MPHOSPH8: variants seen among roughly 807,000 people sequenced by gnomAD.
MPHOSPH8 encodes the protein M-phase phosphoprotein 8, also known as M-phase phosphoprotein, mpp.
A neutral mutation model predicts 87.3 loss-of-function variants in MPHOSPH8; 45 were observed. That is an observed-to-expected ratio of 0.52 (90% CI 0.41 to 0.66). MPHOSPH8 has a LOEUF of 0.66. Among genes scored for constraint, MPHOSPH8 ranks in the 30% least tolerant of loss-of-function variants. The probability of loss-of-function intolerance (pLI) is 0.00; values close to 1 mark genes in which losing one functional copy is unlikely to be tolerated. For synonymous variants in MPHOSPH8, 366 were observed against 376.9 expected (o/e 0.97, Z 0.33); for missense variants, 883 against 1,020.2 (o/e 0.87, Z 1.83).
intron 9 of MPHOSPH8, 70 bp from the exon 10 acceptor site, chr13:19,666,355 T>A: frequency 1.4e-6 from 2 of 1,457,000 alleles, no homozygotes; most frequent in Non-Finnish European, 1.9e-6. Context: ...TAAGCATGTA[T>A]GGAGAAGGGA....
intron 5 of MPHOSPH8, among the ~76,000 whole-genome samples, chr13:19,658,477 G>GA (rs1188768252): frequency 1.1e-4 from 16 of 152,296 alleles, no homozygotes; most frequent in Non-Finnish European, 1.6e-4. Context: ...CCTCACGGGG[G>GA]TGGGTGTGGG....
At chr13:19,665,159 G>A (rs572980234) in intron 9 of MPHOSPH8, among the ~76,000 whole-genome samples, 34 of 152,110 alleles carry the variant, frequency 2.2e-4, no homozygotes, top group Admixed American at 1.0e-3. Context: ...TTCCCTGAGC[G>A]GACATGTAGC....
intron 5 of MPHOSPH8, among the ~76,000 whole-genome samples, chr13:19,650,706 T>G (rs946079799): frequency 6.6e-6 from 1 of 152,078 alleles, no homozygotes; most frequent in African/African-American, 2.4e-5. Flanking sequence ...CAGACTACAG[T>G]AGTGGTGGGG....
Position 19,646,971 on chromosome 13 carries a change from G to T in MPHOSPH8, c.898G>T (p.Ala300Ser). 1 of 1,593,748 alleles carries T rather than the reference G, an allele frequency of 6.3e-7. No homozygotes were observed. The highest frequency in any genetic ancestry group is 2.2e-5 in the East Asian group (1 of 44,802). ...KQNTKSARER[A>S]GQDMGLEHGF... The stretch of plus-strand genomic sequence containing the variant: ...AAACACTAAAAGTGCAAGAGAGAGA[G>T]CAGGGCAGGACATGGGGCTGGAGCA... The change falls in exon 3 of 14, where the codon GCA (alanine) becomes TCA (serine). Residue 300 changes from alanine to serine, a missense_variant. This residue lies in a region of MPHOSPH8 where 741 missense variants were observed against 841.5 expected (regional missense o/e 0.88). Transcript: ENST00000361479.
chr13:19,668,470 CTG>C lies in MPHOSPH8; in HGVS notation c.2271_2272del (p.Cys757Ter). The C allele has an allele frequency of 6.2e-7, 1 of 1,614,168 alleles. No individual in the cohort carries two copies. The highest frequency in any genetic ancestry group is 1.1e-5 in the South Asian group (1 of 91,080). On this transcript the variant is annotated frameshift_variant, in exon 11 of 14. Transcript: ENST00000361479. LOFTEE classifies it high-confidence loss of function. ...TTTTTCCAATCGCATGTCATCGACTCTGTGAGGGTCCAGATTTTTCAACAGAT... is the reference window on the plus strand; with the variant it reads ...TTTTTCCAATCGCATGTCATCGACTCTGAGGGTCCAGATTTTTCAACAGAT... The part of the protein sequence containing the change: ...PVFPIACHRL[C>X]EGPDFSTDFN...
At chr13:19,661,912 G>T in intron 8 of MPHOSPH8, 74 bp downstream of exon 8, 1 of 1,471,524 alleles carries the variant, frequency 6.8e-7, no homozygotes, top group Non-Finnish European at 9.1e-7. Context: ...GATCTCTTTG[G>T]TAGTGAAATA....
intron 10 of MPHOSPH8, among the ~76,000 whole-genome samples, chr13:19,667,655 A>G (rs915140234): frequency 6.6e-6 from 1 of 152,170 alleles, no homozygotes; most frequent in Non-Finnish European, 1.5e-5. Context: ...TAGGCATTCA[A>G]GATTCCTTCC....
intron 5 of MPHOSPH8, among the ~76,000 whole-genome samples, chr13:19,653,108 G>A (rs1874951442): frequency 6.6e-6 from 1 of 152,200 alleles, no homozygotes; most frequent in Non-Finnish European, 1.5e-5. Flanking sequence ...CCTCAAGTGG[G>A]TCCCTGACCC....
At position 19,660,507 on chromosome 13, in the gene MPHOSPH8, T is replaced by C. The variant is rs1424900132; in HGVS notation, c.1792-1191T>C. Among the ~76,000 whole-genome samples the C allele has an allele frequency of 3.3e-5, 5 of 152,168 alleles. No individual in the cohort carries two copies. In the East Asian group the frequency reaches 7.7e-4, roughly 23 times the overall value. The stretch of plus-strand genomic sequence containing the variant: ...TTTGGGATTACAATTCACAAAATTA[T>C]TGGGCTTTTGATTAAAATTGCATGA... On this transcript the variant is annotated intron_variant, in intron 7 of 13. Coordinates refer to ENST00000361479, the MANE Select transcript of MPHOSPH8 (RefSeq NM_017520.4).
At chr13:19,638,356 T>G (rs887129468) in intron 1 of MPHOSPH8, among the ~76,000 whole-genome samples, 1 of 152,102 alleles carries the variant, frequency 6.6e-6, no homozygotes, top group African/African-American at 2.4e-5. Context: ...GGCTCACACC[T>G]GTAATCCCAG....
At chr13:19,666,649 T>A in intron 10 of MPHOSPH8, 70 bp downstream of exon 10, 1 of 1,411,888 alleles carries the variant, frequency 7.1e-7, no homozygotes, top group Non-Finnish European at 9.6e-7. Flanking sequence ...CATATTATAA[T>A]TGGAGTGGCC....
In MPHOSPH8 at chr13:19,634,007, C is replaced by T. The variant is rs776257446; in HGVS notation, c.213+46C>T. 3.8e-6 allele frequency: 6 copies of T among 1,571,712 alleles called. No individual in the cohort carries two copies. The Admixed American group carries it at 5.7e-5, about 15-fold the overall frequency. ...GCGGGGCTGGGCGGGGAGCTCCGGGCCTGGCGGGGAGGACGCGAGCTGGAA... is the reference window on the plus strand; with the variant it reads ...GCGGGGCTGGGCGGGGAGCTCCGGGTCTGGCGGGGAGGACGCGAGCTGGAA... On this transcript the variant is annotated intron_variant, in intron 1 of 13. Coordinates refer to ENST00000361479, the MANE Select transcript of MPHOSPH8 (RefSeq NM_017520.4).
At chr13:19,645,765 A>G (rs890164246) in intron 2 of MPHOSPH8, among the ~76,000 whole-genome samples, 7 of 150,592 alleles carry the variant, frequency 4.6e-5, no homozygotes, top group Non-Finnish European at 8.9e-5. Flanking sequence ...AAAAAAAGCT[A>G]TCGTTTCCAT....
At chr13:19,641,081 T>C (rs1045442081) in intron 1 of MPHOSPH8, among the ~76,000 whole-genome samples, 2 of 152,226 alleles carry the variant, frequency 1.3e-5, no homozygotes, top group African/African-American at 4.8e-5. Flanking sequence ...CGTACTGCTT[T>C]ATGGAATCAG....
Position 19,670,249 on chromosome 13 carries a change from G to A in MPHOSPH8, c.2343G>A (p.Leu781=), listed in dbSNP as rs202038868. ...PQNIPEGSGI[L]LFIFHANFLG... Reference sequence around the variant, plus strand: ...TCCCATTTTCAGGCTCTGGCATCCTGCTGTTTATCTTCCATGCAAACTTTT... The same window carrying A: ...TCCCATTTTCAGGCTCTGGCATCCTACTGTTTATCTTCCATGCAAACTTTT... The change falls in exon 12 of 14, where the codon CTG becomes CTA. Residue 781 remains leucine (L), a synonymous_variant. Coordinates refer to ENST00000361479, the MANE Select transcript of MPHOSPH8 (RefSeq NM_017520.4). The A allele has an allele frequency of 6.2e-7, 1 of 1,614,134 alleles. No individual in the cohort carries two copies. Among genetic ancestry groups the A allele is most frequent in the East Asian group, 2.2e-5 (1 of 44,876 alleles).
chr13:19,670,959 A>G (rs1251060084), intron 12 of MPHOSPH8: 2 of 1,041,378 alleles, frequency 1.9e-6, no homozygotes, highest in Non-Finnish European at 2.7e-6. Context: ...ACCTGGGACT[A>G]AAAATGCACG....
At chr13:19,637,933 C>G (rs945986894) in intron 1 of MPHOSPH8, among the ~76,000 whole-genome samples, 2 of 151,620 alleles carry the variant, frequency 1.3e-5, no homozygotes, top group African/African-American at 4.8e-5. Context: ...AACCCCGTCT[C>G]TACTAAAAAT....
intron 2 of MPHOSPH8, 115 bp downstream of exon 2, chr13:19,642,385 G>T (rs2137503453): frequency 4.3e-6 from 4 of 919,774 alleles, no homozygotes; most frequent in Non-Finnish European, 5.9e-6. Context: ...GTATTCTTTA[G>T]TGTAAATTCC....
intron 11 of MPHOSPH8, among the ~76,000 whole-genome samples, chr13:19,670,011 G>T (rs1394860641): frequency 6.6e-6 from 1 of 152,222 alleles, no homozygotes; most frequent in Non-Finnish European, 1.5e-5. Flanking sequence ...TCCAGGAACT[G>T]TCAGCAGAGA....
Sources: gnomAD v4.1 joint callset for allele counts (sites outside exome capture counted in the v4.1 genomes callset) on GRCh38, gnomAD v4.1.1 for gene constraint, gnomAD v4.1.1 regional missense constraint, MANE v1.5 for transcripts, NCBI Gene and HGNC (gene_info 2026-07-23, HGNC 2026-07-21) for gene names.